Variants in RIMS1 observed in about 807,000 individuals in gnomAD.
RIMS1 encodes the protein regulating synaptic membrane exocytosis protein 1.
In RIMS1, 83 loss-of-function variants were observed where a neutral mutation model predicts 214.1. The observed-to-expected ratio is 0.39, with a 90% CI of 0.32 to 0.47. RIMS1 has a LOEUF of 0.47. Among genes scored for constraint, RIMS1 ranks in the 20% least tolerant of loss-of-function variants. RIMS1 has a pLI of 0.99. For missense variants in RIMS1, 2,050 were observed against 2,161.8 expected (o/e 0.95, Z 1.03); for synonymous variants, 793 against 786.8 (o/e 1.01, Z -0.13).
intron 2 of RIMS1, among the ~76,000 whole-genome samples, chr6:72,017,710 C>T (rs181342281): frequency 3.3e-5 from 5 of 152,194 alleles, no homozygotes; most frequent in Admixed American, 2.6e-4. Context: ...TTCAAAAATA[C>T]TTAAGGAGAA....
intron 6 of RIMS1, among the ~76,000 whole-genome samples, chr6:72,233,358 T>C (rs139201878): frequency 7.2e-5 from 11 of 151,808 alleles, no homozygotes; most frequent in African/African-American, 2.7e-4. Flanking sequence ...TTGAAAGATA[T>C]TATTTAGTTC....
At chr6:72,035,112 T>A (rs1418297793) in intron 2 of RIMS1, among the ~76,000 whole-genome samples, 1 of 152,136 alleles carries the variant, frequency 6.6e-6, no homozygotes, top group Non-Finnish European at 1.5e-5. Flanking sequence ...TTCCTCAATG[T>A]CTTTATCTGT....
chr6:72,015,889 G>T (rs1410724497), intron 2 of RIMS1, among the ~76,000 whole-genome samples: 1 of 152,178 alleles, frequency 6.6e-6, no homozygotes, highest in Non-Finnish European at 1.5e-5. Context: ...TCGCGCCATT[G>T]TACTCCAGGC....
chr6:72,028,930 T>A (rs1309127514), intron 2 of RIMS1, among the ~76,000 whole-genome samples: 1 of 152,192 alleles, frequency 6.6e-6, no homozygotes. Flanking sequence ...GTCAGAAATG[T>A]GCCATAATGG....
rs550181154 is a variant in RIMS1 at position 72,263,671 on chromosome 6, G to C, written c.3117-1304G>C. On this transcript the variant is annotated intron_variant, in intron 19 of 33. Coordinates refer to ENST00000521978, the MANE Select transcript of RIMS1 (RefSeq NM_014989.7). ...GAAGAGTCGACTGTCTAGAAAGGAGGCTAAATCCTTAGTTTCAGTAAAATT... is the reference window on the plus strand; with the variant it reads ...GAAGAGTCGACTGTCTAGAAAGGAGCCTAAATCCTTAGTTTCAGTAAAATT... 4 of 985,300 alleles carry C rather than the reference G, an allele frequency of 4.1e-6. No homozygotes were observed. The South Asian group carries it at 1.4e-4, about 35-fold the overall frequency. The allele number at this position is 985,300 out of a possible 1,614,324, so 61.0% of individuals were successfully genotyped here. A position where few individuals can be genotyped will look rare whatever the true frequency, so the allele number is the denominator to read the frequency against.
At chr6:72,109,751 G>A (rs973195871) in intron 4 of RIMS1, among the ~76,000 whole-genome samples, 11 of 152,278 alleles carry the variant, frequency 7.2e-5, no homozygotes, top group African/African-American at 2.4e-4. Flanking sequence ...ATTGCCTTTG[G>A]TGTTTTAGAC....
intron 31 of RIMS1, among the ~76,000 whole-genome samples, chr6:72,396,731 G>C (rs527613357): frequency 5.9e-5 from 9 of 152,256 alleles, no homozygotes; most frequent in Admixed American, 5.2e-4. Context: ...CAAATGCTTA[G>C]GCTGGACACG....
At chr6:72,009,927 A>G (rs1809688281) in intron 2 of RIMS1, among the ~76,000 whole-genome samples, 1 of 150,810 alleles carries the variant, frequency 6.6e-6, no homozygotes, top group Non-Finnish European at 1.5e-5. Context: ...TCCTTCTGAA[A>G]CTATTCCAAT....
chr6:72,054,068 C>A (rs1825451106), intron 2 of RIMS1, among the ~76,000 whole-genome samples: 7 of 151,914 alleles, frequency 4.6e-5, no homozygotes, highest in Admixed American at 4.6e-4. Flanking sequence ...AATTGCTCTC[C>A]CTCCCCTTGC....
intron 29 of RIMS1, among the ~76,000 whole-genome samples, chr6:72,336,138 T>A (rs1437244001): frequency 6.6e-6 from 1 of 151,884 alleles, no homozygotes; most frequent in African/African-American, 2.4e-5. Context: ...ATTGTAAGTT[T>A]ACAAGTTGGT....
intron 2 of RIMS1, among the ~76,000 whole-genome samples, chr6:72,083,907 A>T (rs1432497562): frequency 6.6e-6 from 1 of 152,212 alleles, no homozygotes; most frequent in Non-Finnish European, 1.5e-5. Context: ...CTTATGCCTG[A>T]ACTATTATAT....
chr6:72,248,062 G>A lies in RIMS1; in HGVS notation c.2176G>A (p.Val726Ile), dbSNP rs747404797. ...SQKMERPSISVISPTSPGALK... is the reference protein window; with the variant it reads ...SQKMERPSISIISPTSPGALK... ...GAAGATGGAAAGGCCTTCCATTTCT[G>A]TTATTTCTCCAACAAGTCCTGGAGC... The change falls in exon 12 of 34, where the codon GTT becomes ATT. Residue 726 changes from valine (V) to isoleucine (I), a missense_variant. Around this residue, in one of 6 missense-constraint regions of RIMS1, gnomAD observed 111 missense variants for 166.2 expected, o/e 0.67. Coordinates refer to ENST00000521978, the MANE Select transcript of RIMS1 (RefSeq NM_014989.7). 27 of 1,613,070 alleles carry A rather than the reference G, an allele frequency of 1.7e-5. No individual in the cohort carries two copies. The South Asian group carries it at 2.5e-4, about 15-fold the overall frequency.
At chr6:72,372,469 A>G (rs527467596) in intron 29 of RIMS1, among the ~76,000 whole-genome samples, 2 of 152,320 alleles carry the variant, frequency 1.3e-5, no homozygotes, top group East Asian at 3.9e-4. Context: ...ATCTACAAAA[A>G]TGCTCTTTTT....
intron 23 of RIMS1, 65 bp downstream of exon 23, chr6:72,274,497 A>T: frequency 1.6e-6 from 2 of 1,268,532 alleles, no homozygotes; most frequent in Non-Finnish European, 2.3e-6. Context: ...CAACTGAAGG[A>T]TAACCAAGAG....
intron 29 of RIMS1, among the ~76,000 whole-genome samples, chr6:72,342,541 T>A (rs1372772752): frequency 2.0e-5 from 3 of 151,682 alleles, no homozygotes; most frequent in Non-Finnish European, 4.4e-5. Flanking sequence ...AATGTAGCAG[T>A]CCTTTTTTCT....
intron 4 of RIMS1, among the ~76,000 whole-genome samples, chr6:72,165,011 G>T (rs2046057530): frequency 6.6e-6 from 1 of 152,106 alleles, no homozygotes; most frequent in South Asian, 2.1e-4. Flanking sequence ...CATAGCAATT[G>T]ATTTTGGCAA....
chr6:72,142,276 A>C (rs1562412783), intron 4 of RIMS1, among the ~76,000 whole-genome samples: 1 of 152,034 alleles, frequency 6.6e-6, no homozygotes, highest in Admixed American at 6.6e-5. Flanking sequence ...AGGTATGCCT[A>C]ACTCCAAAGA....
At chr6:71,943,595 A>G (rs1209422342) in intron 1 of RIMS1, among the ~76,000 whole-genome samples, 1 of 152,190 alleles carries the variant, frequency 6.6e-6, no homozygotes, top group East Asian at 1.9e-4. Flanking sequence ...TTCTGTACAC[A>G]TCAAAGGACC....
intron 2 of RIMS1, among the ~76,000 whole-genome samples, chr6:72,086,452 G>C (rs186146365): frequency 9.2e-5 from 14 of 152,292 alleles, no homozygotes; most frequent in Admixed American, 6.5e-4. Flanking sequence ...TTTCATCTGA[G>C]TTACATACGT....
Sources: allele counts gnomAD v4.1 joint callset (sites outside exome capture counted in the v4.1 genomes callset), GRCh38; gene constraint gnomAD v4.1.1; regional missense constraint gnomAD v4.1.1; transcripts MANE v1.5; gene names NCBI Gene and HGNC (gene_info 2026-07-23, HGNC 2026-07-21).